Variants in LRP6 observed in about 807,000 individuals in gnomAD.
LRP6 encodes the protein low-density lipoprotein receptor-related protein 6.
In LRP6, 43 loss-of-function variants were observed where a neutral mutation model predicts 184.1. The ratio of observed to expected loss-of-function variants is 0.23; its 90% CI spans 0.18 to 0.30. The LOEUF (loss-of-function observed/expected upper bound fraction) is 0.30. Among genes scored for constraint, LRP6 ranks in the 10% least tolerant of loss-of-function variants. The pLI is 1.00. For synonymous variants in LRP6, 719 were observed against 684.9 expected (o/e 1.05, Z -0.78); for missense variants, 1,571 against 2,005.3 (o/e 0.78, Z 4.14).
intron 15 of LRP6, among the ~76,000 whole-genome samples, chr12:12,140,530 A>C (rs1453056668): frequency 6.6e-6 from 1 of 152,184 alleles, no homozygotes; most frequent in East Asian, 1.9e-4. Flanking sequence ...CTAGACAGAA[A>C]GGATCAACCT....
chr12:12,159,682 T>A, intron 11 of LRP6, 98 bp downstream of exon 11: 2 of 1,120,684 alleles, frequency 1.8e-6, no homozygotes, highest in Non-Finnish European at 1.3e-6. Flanking sequence ...CACATTCATA[T>A]GAAGTTGTAT....
In LRP6 at chr12:12,150,920, A is replaced by C. The variant is rs1950072722; in HGVS notation, c.2910T>G (p.Ile970Met). Residue 970 changes from isoleucine (I) to methionine (M), a missense_variant, in exon 13 of 23, where the codon ATT (isoleucine) becomes ATG (methionine). Physicochemically the swap from Ile to Met is conservative, Grantham distance 10. Around this residue, in one of 4 missense-constraint regions of LRP6, gnomAD observed 763 missense variants for 859.5 expected, o/e 0.89. Coordinates refer to ENST00000261349, the MANE Select transcript of LRP6 (RefSeq NM_002336.3). The stretch of plus-strand genomic sequence containing the variant: ...GTTGCTTGTCCAGTGGGTCATAGTC[A>C]ATGGCCCGGACATTCCGAAGGCTGT... ...PIHSLRNVRAIDYDPLDKQLY... is the reference protein window; with the variant it reads ...PIHSLRNVRAMDYDPLDKQLY... The C allele has an allele frequency of 6.2e-7, 1 of 1,613,962 alleles. No homozygotes were observed. The highest frequency in any genetic ancestry group is 1.1e-5 in the South Asian group (1 of 91,084).
intron 1 of LRP6, among the ~76,000 whole-genome samples, chr12:12,264,907 G>C (rs776569007): frequency 6.6e-6 from 1 of 152,104 alleles, no homozygotes; most frequent in Non-Finnish European, 1.5e-5. Flanking sequence ...ACCTCTTCCA[G>C]GTCTTGTTAC....
At chr12:12,250,807 G>A (rs1267893804) in intron 1 of LRP6, among the ~76,000 whole-genome samples, 1 of 151,786 alleles carries the variant, frequency 6.6e-6, no homozygotes, top group Admixed American at 6.6e-5. Flanking sequence ...ATTTTTAGTA[G>A]AGGCAGGTTT....
intron 3 of LRP6, among the ~76,000 whole-genome samples, chr12:12,196,556 C>T (rs1482443017): frequency 1.3e-5 from 2 of 151,796 alleles, no homozygotes; most frequent in Non-Finnish European, 2.9e-5. Context: ...TTGTATCCTG[C>T]AACTTTACCA....
At chr12:12,155,057 A>G (rs1950131718) in intron 12 of LRP6, among the ~76,000 whole-genome samples, 2 of 152,104 alleles carry the variant, frequency 1.3e-5, no homozygotes, top group African/African-American at 4.8e-5. Flanking sequence ...TTAGCCAGGC[A>G]CCGTGATGCA....
At chr12:12,177,463 T>C (rs1405134124) in intron 7 of LRP6, among the ~76,000 whole-genome samples, 1 of 152,236 alleles carries the variant, frequency 6.6e-6, no homozygotes, top group African/African-American at 2.4e-5. Context: ...AAGCTGGTAG[T>C]AGCAGTTGCT....
chr12:12,169,440 G>C (rs1407678719), intron 7 of LRP6, among the ~76,000 whole-genome samples: 3 of 152,094 alleles, frequency 2.0e-5, no homozygotes, highest in African/African-American at 4.8e-5. Context: ...TCAGTCCCTT[G>C]AGAAAACTGG....
intron 4 of LRP6, among the ~76,000 whole-genome samples, chr12:12,186,194 T>C (rs957418599): frequency 6.6e-6 from 1 of 152,104 alleles, no homozygotes; most frequent in African/African-American, 2.4e-5. Context: ...TTCAACTACA[T>C]ACTGAAAGAA....
chr12:12,172,836 C>T (rs1159421673), intron 7 of LRP6, among the ~76,000 whole-genome samples: 2 of 152,124 alleles, frequency 1.3e-5, no homozygotes, highest in Non-Finnish European at 2.9e-5. Context: ...ATGCTTTGGA[C>T]CCAGTAGGTG....
Position 12,181,338 on chromosome 12 carries a change from G to A in LRP6, c.1078C>T (p.Arg360Cys), listed in dbSNP as rs768649725. The A allele has an allele frequency of 1.8e-5, 29 of 1,613,704 alleles. No homozygotes were observed. Among genetic ancestry groups the A allele is most frequent in the Non-Finnish European group, 2.4e-5 (28 of 1,179,738 alleles). The change falls in exon 6 of 23, where the codon CGT becomes TGT. Residue 360 changes from arginine (R) to cysteine (C), a missense_variant. Transcript: ENST00000261349. ...TCGTAATCTATGGCAATGGCATGAC[G>A]GATGTCTTCTAACTGCAGAACAATG... The part of the protein sequence containing the change: ...TDIVLQLEDI[R>C]HAIAIDYDPV...
intron 1 of LRP6, among the ~76,000 whole-genome samples, chr12:12,266,020 G>A (rs989346869): frequency 2.0e-5 from 3 of 152,100 alleles, no homozygotes; most frequent in Non-Finnish European, 2.9e-5. Flanking sequence ...GAAAATAGGG[G>A]CAAGCCGTGA....
chr12:12,147,631 A>G, intron 14 of LRP6, 75 bp from the exon 15 acceptor site: 2 of 1,151,718 alleles, frequency 1.7e-6, no homozygotes, highest in Non-Finnish European at 2.6e-6. Flanking sequence ...TTATTAAGAC[A>G]AATGGAGGTA....
chr12:12,180,117 A>C, intron 6 of LRP6, 136 bp from the exon 7 acceptor site: 1 of 681,130 alleles, frequency 1.5e-6, no homozygotes, highest in Non-Finnish European at 2.5e-6. Flanking sequence ...AAAAAAAAAC[A>C]TATGAAGAGG....
At chr12:12,132,111 G>C in intron 17 of LRP6, 54 bp from the exon 18 acceptor site, 1 of 1,139,946 alleles carries the variant, frequency 8.8e-7, no homozygotes, top group Non-Finnish European at 1.3e-6. Context: ...TGGTCACACA[G>C]AAGTACAAAC....
chr12:12,116,586 A>G lies in LRP6; in HGVS notation c.*4540T>C, dbSNP rs370525368. 5.3e-5 allele frequency: 8 copies of G among 152,272 alleles called. No homozygotes were observed. The highest frequency in any genetic ancestry group is 1.9e-4 in the East Asian group (1 of 5,186). The allele number at this position is 152,272 out of a possible 1,614,324, so 9.4% of individuals were successfully genotyped here. Reference sequence around the variant, plus strand: ...ATTTGACTGAAAAACACAACCACCAAAATGGACAGTTCAGCAAAAGCGCGT... The same window carrying G: ...ATTTGACTGAAAAACACAACCACCAGAATGGACAGTTCAGCAAAAGCGCGT... On this transcript the variant is annotated 3_prime_UTR_variant, in exon 23 of 23. Coordinates refer to ENST00000261349, the MANE Select transcript of LRP6 (RefSeq NM_002336.3).
At chr12:12,248,602 C>T (rs923822978) in intron 1 of LRP6, among the ~76,000 whole-genome samples, 6 of 150,730 alleles carry the variant, frequency 4.0e-5, no homozygotes, top group Non-Finnish European at 7.4e-5. Context: ...CTGCCTCAGC[C>T]TCCCGAGTAG....
chr12:12,180,124 G>C, intron 6 of LRP6, 143 bp from the exon 7 acceptor site: 1 of 677,990 alleles, frequency 1.5e-6, no homozygotes, highest in South Asian at 1.8e-5. Flanking sequence ...AACATATGAA[G>C]AGGTGTTTAA....
intron 7 of LRP6, among the ~76,000 whole-genome samples, chr12:12,169,325 C>T (rs1862969232): frequency 6.6e-6 from 1 of 152,062 alleles, no homozygotes; most frequent in African/African-American, 2.4e-5. Flanking sequence ...ATCAAGTTTT[C>T]CACCAAATCA....
Sources: gnomAD v4.1 joint callset for allele counts (sites outside exome capture counted in the v4.1 genomes callset) on GRCh38, gnomAD v4.1.1 for gene constraint, gnomAD v4.1.1 regional missense constraint, MANE v1.5 for transcripts, NCBI Gene and HGNC (gene_info 2026-07-23, HGNC 2026-07-21) for gene names.